Variants in CRACDL observed in about 807,000 individuals in gnomAD.
CRACDL encodes CRACD-like protein.
CRACDL carries 26 observed loss-of-function variants against 70.6 expected under a neutral mutation model. The observed-to-expected ratio is 0.37, with a 90% confidence interval of 0.27 to 0.51. The LOEUF is 0.51. CRACDL is among the 20% of genes least tolerant of loss of function. CRACDL has a pLI of 0.94. For missense variants in CRACDL, 1,283 were observed against 1,376.9 expected (o/e 0.93, Z 1.08); for synonymous variants, 618 against 615.2 (o/e 1.00, Z -0.07).
At chr2:98,911,354 C>G (rs112672789) in intron 1 of CRACDL, among the ~76,000 whole-genome samples, 2 of 152,174 alleles carry the variant, frequency 1.3e-5, no homozygotes, top group Non-Finnish European at 2.9e-5. Context: ...CTGGTACCGG[C>G]AGAGGGATGT....
chr2:98,839,249 A>G (rs1356316955), intron 2 of CRACDL, among the ~76,000 whole-genome samples: 1 of 152,228 alleles, frequency 6.6e-6, no homozygotes, highest in Non-Finnish European at 1.5e-5. Context: ...GGATTACTTT[A>G]GTAGGAGTTC....
At chr2:98,926,868 C>T (rs1361385182) in intron 1 of CRACDL, among the ~76,000 whole-genome samples, 4 of 152,220 alleles carry the variant, frequency 2.6e-5, no homozygotes, top group Non-Finnish European at 4.4e-5. Flanking sequence ...AGGAAAGGGG[C>T]AGAGAGAGCG....
chr2:98,832,625 C>G, intron 4 of CRACDL, 113 bp from the exon 5 acceptor site: 1 of 1,115,708 alleles, frequency 9.0e-7, no homozygotes, highest in Non-Finnish European at 1.3e-6. Flanking sequence ...TGGTGTGGTG[C>G]AGAGAACTGA....
chr2:98,913,207 C>A (rs1708584280), intron 1 of CRACDL, among the ~76,000 whole-genome samples: 1 of 152,212 alleles, frequency 6.6e-6, no homozygotes, highest in Non-Finnish European at 1.5e-5. Flanking sequence ...CCTAAGGTGC[C>A]ATCCCCACCC....
chr2:98,859,507 AT>A (rs1558606659), intron 1 of CRACDL, among the ~76,000 whole-genome samples: 1 of 152,234 alleles, frequency 6.6e-6, no homozygotes, highest in African/African-American at 2.4e-5. Flanking sequence ...TTCAACATAC[AT>A]ATGAAAAATC....
chr2:98,901,379 ATCT>A (rs1344100252), intron 1 of CRACDL, among the ~76,000 whole-genome samples: 2 of 152,110 alleles, frequency 1.3e-5, no homozygotes. Flanking sequence ...GAGAACCCTG[ATCT>A]TCTATATACA....
chr2:98,802,575 C>T (rs558821185), intron 7 of CRACDL, among the ~76,000 whole-genome samples: 2 of 152,242 alleles, frequency 1.3e-5, no homozygotes, highest in Non-Finnish European at 2.9e-5. Flanking sequence ...GGGACAGATT[C>T]GTCTCATCAC....
intron 7 of CRACDL, 38 bp from the exon 8 acceptor site, chr2:98,797,575 A>G: frequency 6.3e-7 from 1 of 1,598,070 alleles, no homozygotes; most frequent in Non-Finnish European, 8.5e-7. Flanking sequence ...AAACAGTCCT[A>G]TTCCCTCTTC....
intron 7 of CRACDL, among the ~76,000 whole-genome samples, chr2:98,810,609 T>C (rs1186165571): frequency 2.0e-5 from 3 of 151,964 alleles, no homozygotes; most frequent in Non-Finnish European, 4.4e-5. Flanking sequence ...TCCATCAGAC[T>C]GGAGGAAAAA....
chr2:98,917,849 C>T (rs1708704803), intron 1 of CRACDL, among the ~76,000 whole-genome samples: 1 of 152,176 alleles, frequency 6.6e-6, no homozygotes, highest in Non-Finnish European at 1.5e-5. Flanking sequence ...CATTATTTCG[C>T]TCTCATTTAT....
At chr2:98,920,523 G>C (rs555157473) in intron 1 of CRACDL, among the ~76,000 whole-genome samples, 1 of 152,116 alleles carries the variant, frequency 6.6e-6, no homozygotes, top group South Asian at 2.1e-4. Context: ...GACCTCCCCA[G>C]TCTGGCTGCA....
chr2:98,795,077 A>ATATATTTTTTTTTTTT, intron 9 of CRACDL, among the ~76,000 whole-genome samples: 27 of 58,480 alleles, frequency 4.6e-4, no homozygotes, highest in Non-Finnish European at 7.2e-4. Flanking sequence ...ATATATATAT[A>ATATATTTTTTTTTTTT]TTTTTTTTTT....
chr2:98,881,078 G>A (rs1707639197), intron 1 of CRACDL, among the ~76,000 whole-genome samples: 1 of 152,166 alleles, frequency 6.6e-6, no homozygotes, highest in Admixed American at 6.5e-5. Flanking sequence ...GGCCGCACTC[G>A]GCACCTGCTT....
intron 1 of CRACDL, among the ~76,000 whole-genome samples, chr2:98,920,895 C>T (rs1368188789): frequency 6.6e-6 from 1 of 152,208 alleles, no homozygotes; most frequent in Non-Finnish European, 1.5e-5. Flanking sequence ...TGTTGACAAA[C>T]TGGATCAAAG....
At chr2:98,861,369 C>G (rs1558608089) in intron 1 of CRACDL, among the ~76,000 whole-genome samples, 1 of 152,068 alleles carries the variant, frequency 6.6e-6, no homozygotes, top group Non-Finnish European at 1.5e-5. Flanking sequence ...AACAACAAAA[C>G]CACAGTGAGT....
Position 98,794,610 on chromosome 2 carries a change from A to T in CRACDL, c.2811T>A (p.Ser937Arg), listed in dbSNP as rs1346618337. The part of the protein sequence containing the change: ...LHQLKRASYA[S>R]TDQPSWMELA... ...GTTCCATCCAGGATGGCTGATCTGT[A>T]CTGGCATAACTGGCTCTCTTCAGCT... Residue 937 changes from serine to arginine, a missense_variant, in exon 10 of 10, where the codon AGT (serine) becomes AGA (arginine). Coordinates refer to ENST00000397899, the MANE Select transcript of CRACDL (RefSeq NM_207362.3). The T allele has an allele frequency of 6.2e-7, 1 of 1,613,112 alleles. No individual in the cohort carries two copies. Among genetic ancestry groups the T allele is most frequent in the Admixed American group, 1.7e-5 (1 of 60,014 alleles).
intron 1 of CRACDL, among the ~76,000 whole-genome samples, chr2:98,921,137 C>G (rs6542845): frequency 0.47 from 72,257 of 152,148 alleles, 18,860 homozygotes; most frequent in African/African-American, 0.68. Context: ...GTGGGAGCCC[C>G]GTCTTGGAAA....
intron 5 of CRACDL, among the ~76,000 whole-genome samples, chr2:98,829,393 G>A (rs1267385030): frequency 6.6e-6 from 1 of 152,198 alleles, no homozygotes; most frequent in African/African-American, 2.4e-5. Flanking sequence ...CTGTTGCTCT[G>A]AGAGATCTTG....
At chr2:98,897,211 T>G (rs1190582005) in intron 1 of CRACDL, among the ~76,000 whole-genome samples, 1 of 152,228 alleles carries the variant, frequency 6.6e-6, no homozygotes, top group African/African-American at 2.4e-5. Flanking sequence ...TCGTACAGTA[T>G]GTAACATTTT....
Sources: allele counts gnomAD v4.1 joint callset (sites outside exome capture counted in the v4.1 genomes callset), GRCh38; gene constraint gnomAD v4.1.1; transcripts MANE v1.5; gene names NCBI Gene and HGNC (gene_info 2026-07-23, HGNC 2026-07-21).